Variants in CDKL3 observed in about 807,000 individuals in gnomAD.
The protein encoded by CDKL3 is cyclin-dependent kinase-like 3.
In CDKL3, 65 loss-of-function variants were observed where a neutral mutation model predicts 69.3. The observed-to-expected ratio is 0.94, with a 90% CI of 0.77 to 1.15. The LOEUF (loss-of-function observed/expected upper bound fraction) is 1.15, where lower values mean the gene tolerates loss of function less well. Among genes scored for constraint, CDKL3 ranks in the 50% most tolerant of loss-of-function variants. CDKL3 has a pLI of 0.00. For synonymous variants in CDKL3, 202 were observed against 221.6 expected, an observed-to-expected ratio of 0.91 and a Z score of 0.79; for missense variants, 652 against 689.2, an observed-to-expected ratio of 0.95 and a Z score of 0.61.
Position 134,367,123 on chromosome 5 carries a change from G to A in CDKL3, c.-168C>T. 3.0e-6 allele frequency: 3 copies of A among 985,816 alleles called. No individual in the cohort carries two copies. The highest frequency in any genetic ancestry group is 3.6e-6 in the Non-Finnish European group (3 of 830,242). 61.1% of individuals were successfully genotyped at this position (985,816 alleles called of 1,614,324 possible). A position where few individuals can be genotyped will look rare whatever the true frequency, so the allele number is the denominator to read the frequency against. On this transcript the variant is annotated 5_prime_UTR_variant, in exon 1 of 13. Transcript: ENST00000265334. ...CTACTTTGTTGCTCAGCCCCGCAAG[G>A]AACCGGCCACTTGCCACCATGGAAA...
intron 2 of CDKL3, among the ~76,000 whole-genome samples, chr5:134,365,000 T>C (rs1187754536): frequency 2.0e-5 from 3 of 151,196 alleles, no homozygotes; most frequent in Non-Finnish European, 3.0e-5. Context: ...CCTTTTCTTT[T>C]GAGACAGAGT....
chr5:134,311,829 C>T (rs770699015), intron 7 of CDKL3, among the ~76,000 whole-genome samples: 1 of 152,122 alleles, frequency 6.6e-6, no homozygotes, highest in Non-Finnish European at 1.5e-5. Flanking sequence ...GGGTCTCAAC[C>T]TGTCACCCAG....
downstream of CDKL3, among the ~76,000 whole-genome samples, chr5:134,295,928 G>A (rs144145111): frequency 0.01 from 1,593 of 151,868 alleles, 63 homozygotes; most frequent in Admixed American, 0.082. Context: ...ATGGAGTCTC[G>A]CTCTGTTGCC....
intron 8 of CDKL3, among the ~76,000 whole-genome samples, chr5:134,289,017 C>G (rs1765001032): frequency 6.6e-6 from 1 of 151,200 alleles, no homozygotes; most frequent in Non-Finnish European, 1.5e-5. Flanking sequence ...TAAAAATGAG[C>G]CCAGCATGGT....
At chr5:134,324,377 A>G (rs1428885522) in intron 4 of CDKL3, among the ~76,000 whole-genome samples, 1 of 152,250 alleles carries the variant, frequency 6.6e-6, no homozygotes, top group Non-Finnish European at 1.5e-5. Flanking sequence ...TTCTGTCCAC[A>G]TAAAAACCTG....
intron 7 of CDKL3, among the ~76,000 whole-genome samples, chr5:134,312,053 C>T (rs534750611): frequency 5.9e-5 from 9 of 152,142 alleles, no homozygotes; most frequent in African/African-American, 1.2e-4. Flanking sequence ...GCCTCAGCTT[C>T]GCAAAGTGCT....
At chr5:134,305,103 T>C (rs1344859075) in intron 10 of CDKL3, among the ~76,000 whole-genome samples, 1 of 151,558 alleles carries the variant, frequency 6.6e-6, no homozygotes, top group Non-Finnish European at 1.5e-5. Flanking sequence ...CCACTGCATC[T>C]GGCCTTATTA....
intron 2 of CDKL3, among the ~76,000 whole-genome samples, chr5:134,363,700 A>G (rs1412680164): frequency 6.6e-6 from 1 of 151,928 alleles, no homozygotes; most frequent in Non-Finnish European, 1.5e-5. Flanking sequence ...AGCTCAGGCA[A>G]TCCGCCCGCC....
chr5:134,348,268 G>A (rs1413084459), intron 4 of CDKL3, among the ~76,000 whole-genome samples: 5 of 152,122 alleles, frequency 3.3e-5, no homozygotes, highest in South Asian at 2.1e-4. Context: ...AATCAGTATC[G>A]TGGTTGCTTT....
At chr5:134,363,922 C>T (rs1288116996) in intron 2 of CDKL3, among the ~76,000 whole-genome samples, 5 of 141,102 alleles carry the variant, frequency 3.5e-5, no homozygotes, top group Non-Finnish European at 4.5e-5. Context: ...CATGCCACTG[C>T]GCTGCAGCCT....
chr5:134,361,880 G>A (rs926506350), intron 2 of CDKL3, among the ~76,000 whole-genome samples: 1 of 152,122 alleles, frequency 6.6e-6, no homozygotes, highest in Non-Finnish European at 1.5e-5. Context: ...CTCCAGCCGG[G>A]GTGACAAGAG....
At chr5:134,320,618 G>A (rs977967013) in intron 5 of CDKL3, among the ~76,000 whole-genome samples, 2 of 152,008 alleles carry the variant, frequency 1.3e-5, no homozygotes, top group Non-Finnish European at 2.9e-5. Flanking sequence ...GTTCATGCCT[G>A]TATTCCCAGC....
chr5:134,339,967 C>A (rs1387496967), intron 4 of CDKL3, among the ~76,000 whole-genome samples: 1 of 151,894 alleles, frequency 6.6e-6, no homozygotes, highest in Non-Finnish European at 1.5e-5. Context: ...GCCTGGGTAA[C>A]ACAGTGAGAC....
intron 4 of CDKL3, among the ~76,000 whole-genome samples, chr5:134,341,310 A>G (rs1199022952): frequency 2.0e-5 from 3 of 152,208 alleles, no homozygotes; most frequent in African/African-American, 7.2e-5. Context: ...TCTGTTCAAC[A>G]TTGTACTGCA....
chr5:134,301,333 C>T (rs1033004936), intron 12 of CDKL3, among the ~76,000 whole-genome samples: 1 of 152,074 alleles, frequency 6.6e-6, no homozygotes, highest in Non-Finnish European at 1.5e-5. Flanking sequence ...TTCTTCTCTG[C>T]AAAGTGGACT....
intron 2 of CDKL3, among the ~76,000 whole-genome samples, chr5:134,365,659 AGTTTT>A (rs775889667): frequency 6.6e-6 from 1 of 152,182 alleles, no homozygotes; most frequent in Non-Finnish European, 1.5e-5. Flanking sequence ...TACAAAATCA[AGTTTT>A]GACTCCTTAG....
downstream of CDKL3, among the ~76,000 whole-genome samples, chr5:134,284,441 A>G (rs1764765422): frequency 3.3e-5 from 5 of 152,198 alleles, no homozygotes; most frequent in South Asian, 1.0e-3. Context: ...AGAGAGGCAG[A>G]GCAAGATTAC....
chr5:134,368,886 C>T (rs938781471), upstream of CDKL3, among the ~76,000 whole-genome samples: 16 of 151,862 alleles, frequency 1.1e-4, no homozygotes, highest in African/African-American at 3.4e-4. Context: ...AAAAATTAGC[C>T]GGGCATGGTG....
In CDKL3 at chr5:134,326,092, T is replaced by A. The variant is rs12521128; in HGVS notation, c.540-4189A>T. Among the ~76,000 whole-genome samples, 1,466 of 152,190 alleles carry A rather than the reference T, an allele frequency of 9.6e-3. 81 individuals are homozygous for A. The highest frequency in any genetic ancestry group is 0.077 in the East Asian group (396 of 5,170). On this transcript the variant is annotated intron_variant, in intron 4 of 12. Coordinates refer to ENST00000265334, the MANE Select transcript of CDKL3 (RefSeq NM_001113575.2). Reference sequence around the variant, plus strand: ...CATGCCAAAGGTAATTATTTTTAAGTACTCTCTCCACAGAATGCAATTTCT... The same window carrying A: ...CATGCCAAAGGTAATTATTTTTAAGAACTCTCTCCACAGAATGCAATTTCT...
Sources: allele counts gnomAD v4.1 joint callset (sites outside exome capture counted in the v4.1 genomes callset), GRCh38; gene constraint gnomAD v4.1.1; transcripts MANE v1.5; gene names NCBI Gene and HGNC (gene_info 2026-07-23, HGNC 2026-07-21).